Variants in RIN1 observed in about 807,000 individuals in gnomAD.
RIN1 encodes the protein Ras and Rab interactor 1, also known as ras inhibitor 1.
A neutral mutation model predicts 64.9 loss-of-function variants in RIN1; 52 were observed. The observed-to-expected ratio is 0.80, with a 90% CI of 0.64 to 1.01. The LOEUF (loss-of-function observed/expected upper bound fraction) is 1.01. Ranked by LOEUF, RIN1 falls within the 50% of genes least tolerant of loss-of-function variation. The pLI, the probability that RIN1 is intolerant of heterozygous loss-of-function variation, is 0.00. For missense variants in RIN1, 1,040 were observed against 1,064.5 expected, an observed-to-expected ratio of 0.98 and a Z score of 0.32; for synonymous variants, 486 against 483.6, an observed-to-expected ratio of 1.00 and a Z score of -0.06.
rs1181363078 is a variant in RIN1, at chr11:66,330,244, G to C, written c.*2032C>G. On this transcript the variant is annotated 3_prime_UTR_variant, in exon 10 of 10. Transcript: ENST00000311320. The stretch of plus-strand genomic sequence containing the variant: ...ACTCCTGGTTATCAAACTCCAATCA[G>C]TGAACAACATTTATTGAACACCTAT... 1 of 152,264 alleles carries C rather than the reference G, an allele frequency of 6.6e-6. No individual in the cohort carries two copies. Among genetic ancestry groups the C allele is most frequent in the Non-Finnish European group, 1.5e-5 (1 of 68,078 alleles). The allele number at this position is 152,264 out of a possible 1,614,324, so 9.4% of individuals were successfully genotyped here. A position where few individuals can be genotyped will look rare whatever the true frequency, so the allele number is the denominator to read the frequency against.
Position 66,332,240 on chromosome 11 carries a change from T to A in RIN1, c.*36A>T, listed in dbSNP as rs374496349. The A allele has an allele frequency of 8.2e-6, 13 of 1,591,676 alleles. No homozygotes were observed. Among genetic ancestry groups the A allele is most frequent in the Non-Finnish European group, 1.1e-5 (13 of 1,161,862 alleles). The stretch of plus-strand genomic sequence containing the variant: ...AAAGGATTTCTCAGCAGGCTCAGGG[T>A]CTCCCGCCCCGAATGACCCTTCTGG... On this transcript the variant is annotated 3_prime_UTR_variant, in exon 10 of 10. Transcript: ENST00000311320.
chr11:66,332,860 G>T, intron 9 of RIN1, 108 bp from the exon 10 acceptor site: 2 of 879,690 alleles, frequency 2.3e-6, no homozygotes, highest in Non-Finnish European at 3.5e-6. Context: ...GGGTGGGTAG[G>T]TGGAGATCCA....
intron 6 of RIN1, 126 bp downstream of exon 6, chr11:66,334,388 C>T: frequency 7.3e-7 from 1 of 1,373,408 alleles, no homozygotes; most frequent in Non-Finnish European, 9.9e-7. Flanking sequence ...ATGGAACTCT[C>T]TCGAACAGTG....
upstream of RIN1, chr11:66,336,661 A>T: frequency 2.1e-6 from 1 of 476,096 alleles, no homozygotes; most frequent in Non-Finnish European, 3.8e-6. Flanking sequence ...CTGCAGCCTC[A>T]CCAGCTACTC....
In RIN1 at chr11:66,333,977, C is replaced by T. The variant is rs888871332; in HGVS notation, c.1533G>A (p.Gln511=). 2 of 1,560,670 alleles carry T rather than the reference C, an allele frequency of 1.3e-6. No homozygotes were observed. Among genetic ancestry groups the T allele is most frequent in the Non-Finnish European group, 1.7e-6 (2 of 1,153,036 alleles). Residue 511 remains glutamine (Q), a synonymous_variant, in exon 7 of 10, where the codon CAG becomes CAA. Transcript: ENST00000311320. The stretch of plus-strand genomic sequence containing the variant: ...TGCAGGCCTGCAGGAGCCGCTTGAC[C>T]TGGGCGCTGGGTGAGTAGGTGCGGA... ...QLLRTYSPSA[Q]VKRLLQACKL...
chr11:66,333,969 C>A lies in RIN1; in HGVS notation c.1541G>T (p.Arg514Leu). ...RTYSPSAQVKRLLQACKLLYM... is the reference protein window; with the variant it reads ...RTYSPSAQVKLLLQACKLLYM... ...GAGCAGCTTGCAGGCCTGCAGGAGCCGCTTGACCTGGGCGCTGGGTGAGTA... is the reference window on the plus strand; with the variant it reads ...GAGCAGCTTGCAGGCCTGCAGGAGCAGCTTGACCTGGGCGCTGGGTGAGTA... Residue 514 changes from arginine (R) to leucine (L), a missense_variant, in exon 7 of 10, where the codon CGG (arginine) becomes CTG (leucine). Physicochemically the swap from Arg to Leu is moderately radical, Grantham distance 102. Transcript: ENST00000311320. 2 of 1,558,896 alleles carry A rather than the reference C, an allele frequency of 1.3e-6. No homozygotes were observed. Among genetic ancestry groups the A allele is most frequent in the Non-Finnish European group, 8.7e-7 (1 of 1,152,222 alleles).
Position 66,335,962 on chromosome 11 carries a change from G to A in RIN1, c.267+16C>T, listed in dbSNP as rs750763606. The A allele has an allele frequency of 6.1e-6, 9 of 1,484,506 alleles. No individual in the cohort carries two copies. Among genetic ancestry groups the A allele is most frequent in the Non-Finnish European group, 8.1e-6 (9 of 1,117,102 alleles). 92.0% of individuals were successfully genotyped at this position (1,484,506 alleles called of 1,614,324 possible). A position where few individuals can be genotyped will look rare whatever the true frequency, so the allele number is the denominator to read the frequency against. ...CCCCTGGCTGGCCAGTCCCTGGAGT[G>A]TGGGGCAAGACTCACCCCCGGGGGC... On this transcript the variant is annotated intron_variant, in intron 2 of 9. Coordinates refer to ENST00000311320, the MANE Select transcript of RIN1 (RefSeq NM_004292.3).
In RIN1 at chr11:66,335,195, C is replaced by A. The variant is rs1249146965; in HGVS notation, c.604G>T (p.Val202Leu). ...GACCGGGCCTTCAGCTGGGGCAACA[C>A]TGGGCCTCCAGCCGGGCCCCGCTGA... is the stretch of plus-strand genomic sequence containing the variant. ...KAQRGPAGGP[V>L]LPQLKARSPQ... Residue 202 changes from valine (V) to leucine (L), a missense_variant, in exon 6 of 10, where the codon GTG becomes TTG. Val to Leu is a conservative substitution (Grantham distance 32). Coordinates refer to ENST00000311320, the MANE Select transcript of RIN1 (RefSeq NM_004292.3). 13 of 1,565,164 alleles carry A rather than the reference C, an allele frequency of 8.3e-6. No homozygotes were observed. The highest frequency in any genetic ancestry group is 1.1e-5 in the Non-Finnish European group (13 of 1,166,486).
At position 66,332,582 on chromosome 11, in the gene RIN1, G is replaced by T; in HGVS notation, c.2046C>A (p.His682Gln). 6.2e-7 allele frequency: 1 copy of T among 1,611,472 alleles called. No homozygotes were observed. The highest frequency in any genetic ancestry group is 8.5e-7 in the Non-Finnish European group (1 of 1,178,356). Residue 682 changes from histidine to glutamine, a missense_variant, in exon 10 of 10, where the codon CAC (histidine) becomes CAA (glutamine). His to Gln is a conservative substitution (Grantham distance 24). Transcript: ENST00000311320. ...GGGCCAGGGCCCCAGGGGGCAGGCG[G>T]TGGTAGCCCTGCTCCTTGTACAGGA... ...GLFLYKEQGY[H>Q]RLPPGALAHR...
Position 66,335,178 on chromosome 11 carries a change from CT to C in RIN1, c.620del (p.Lys207ArgfsTer27). The C allele has an allele frequency of 6.4e-7, 1 of 1,555,964 alleles. No homozygotes were observed. The highest frequency in any genetic ancestry group is 2.2e-5 in the East Asian group (1 of 44,476). ...PAGGPVLPQLKARSPQELDQG... is the reference protein window; with the variant it reads ...PAGGPVLPQLXARSPQELDQG... ...GGTCCAGCTCTTGAGGGGACCGGGC[CT>C]TCAGCTGGGGCAACACTGGGCCTCC... On this transcript the variant is annotated frameshift_variant, in exon 6 of 10. Transcript: ENST00000311320. LOFTEE classifies it high-confidence loss of function.
chr11:66,333,249 G>T lies in RIN1; in HGVS notation c.1875+9C>A. The T allele has an allele frequency of 6.2e-7, 1 of 1,609,444 alleles. No homozygotes were observed. The highest frequency in any genetic ancestry group is 8.5e-7 in the Non-Finnish European group (1 of 1,179,940). ...TCTGGCTCTGAGGACACGGTGGAGG[G>T]CCTGTTACCTGGAAGCAGTGGGTGG... is the stretch of plus-strand genomic sequence containing the variant. On this transcript the variant is annotated intron_variant, in intron 9 of 9. Coordinates refer to ENST00000311320, the MANE Select transcript of RIN1 (RefSeq NM_004292.3).
Position 66,336,093 on chromosome 11 carries a change from C to T in RIN1, c.152G>A (p.Arg51Gln), listed in dbSNP as rs754196784. 1.4e-5 allele frequency: 21 copies of T among 1,448,422 alleles called. No homozygotes were observed. The highest frequency in any genetic ancestry group is 7.1e-5 in the South Asian group (5 of 70,138). The allele number at this position is 1,448,422 out of a possible 1,614,324, so 89.7% of individuals were successfully genotyped here. ...ASGGQAGGPQ[R>Q]PGRVVSLRER... is the part of the protein sequence containing the mutation. ...CCGCAGGCTCACAACGCGCCCCGGCCGCTGCGGCCCGCCTGCCTGCCCGCC... is the reference window on the plus strand; with the variant it reads ...CCGCAGGCTCACAACGCGCCCCGGCTGCTGCGGCCCGCCTGCCTGCCCGCC... Residue 51 changes from arginine (R) to glutamine (Q), a missense_variant, in exon 2 of 10, where the codon CGG becomes CAG. Arg to Gln is a conservative substitution (Grantham distance 43). Coordinates refer to ENST00000311320, the MANE Select transcript of RIN1 (RefSeq NM_004292.3).
chr11:66,336,352 C>A lies in RIN1; in HGVS notation c.51G>T (p.Pro17=). 6.2e-7 allele frequency: 1 copy of A among 1,613,722 alleles called. No individual in the cohort carries two copies. Among genetic ancestry groups the A allele is most frequent in the South Asian group, 1.1e-5 (1 of 90,996 alleles). ...SGAGSPGAPS[P]SSFTTGHLAR... ...CCAGGTGCCCAGTAGTGAAGCTGGA[C>A]GGGCTGGGGGCTCCAGGAGAGCCCG... Residue 17 remains proline (P), a synonymous_variant, in exon 1 of 10, where the codon CCG becomes CCT. Transcript: ENST00000311320.
At position 66,333,972 on chromosome 11, in the gene RIN1, T is replaced by C. The variant is rs775776158; in HGVS notation, c.1538A>G (p.Lys513Arg). 7.1e-6 allele frequency: 11 copies of C among 1,560,260 alleles called. No individual in the cohort carries two copies. The South Asian group carries it at 1.2e-4, about 17-fold the overall frequency. The change falls in exon 7 of 10, where the codon AAG becomes AGG. Residue 513 changes from lysine to arginine, a missense_variant. Lys to Arg is a conservative substitution (Grantham distance 26). Transcript: ENST00000311320. Reference sequence around the variant, plus strand: ...CAGCTTGCAGGCCTGCAGGAGCCGCTTGACCTGGGCGCTGGGTGAGTAGGT... The same window carrying C: ...CAGCTTGCAGGCCTGCAGGAGCCGCCTGACCTGGGCGCTGGGTGAGTAGGT... ...LRTYSPSAQV[K>R]RLLQACKLLY...
At position 66,336,044 on chromosome 11, in the gene RIN1, G is replaced by C. The variant is rs772233272; in HGVS notation, c.201C>G (p.Pro67=). 4 of 1,466,918 alleles carry C rather than the reference G, an allele frequency of 2.7e-6. No individual in the cohort carries two copies. In the East Asian group the frequency reaches 7.4e-5, roughly 27 times the overall value. 90.9% of individuals were successfully genotyped at this position (1,466,918 alleles called of 1,614,324 possible). A position where few individuals can be genotyped will look rare whatever the true frequency, so the allele number is the denominator to read the frequency against. Residue 67 remains proline, a synonymous_variant, in exon 2 of 10, where the codon CCC becomes CCG. Coordinates refer to ENST00000311320, the MANE Select transcript of RIN1 (RefSeq NM_004292.3). ...CGTTGGCTTGCAGCTGCAGCCACAC[G>C]GGCCGGGTGAGCAGCAGGCGCTCCC... is the stretch of plus-strand genomic sequence containing the variant. ...SLRERLLLTR[P]VWLQLQANAA...
chr11:66,333,387 G>C lies in RIN1; in HGVS notation c.1746C>G (p.Leu582=), dbSNP rs771487695. ...CACTCAGCAGGGCCAGGCTGGCAGA[G>C]AGGCTGGTCAGGTAGTAGCCACCTG... ...TGEGGYYLTS[L]SASLALLSGL... is the part of the protein sequence containing the mutation. Residue 582 remains leucine, a synonymous_variant, in exon 9 of 10, where the codon CTC becomes CTG. Transcript: ENST00000311320. 1.2e-5 allele frequency: 19 copies of C among 1,610,556 alleles called. No homozygotes were observed. Among genetic ancestry groups the C allele is most frequent in the Non-Finnish European group, 1.5e-5 (18 of 1,178,092 alleles).
In RIN1 at chr11:66,335,270, A is replaced by C. The variant is rs376675731; in HGVS notation, c.548-19T>G. 1.3e-6 allele frequency: 2 copies of C among 1,566,796 alleles called. No individual in the cohort carries two copies. Among genetic ancestry groups the C allele is most frequent in the Non-Finnish European group, 1.7e-6 (2 of 1,165,092 alleles). On this transcript the variant is annotated intron_variant, in intron 5 of 9. Coordinates refer to ENST00000311320, the MANE Select transcript of RIN1 (RefSeq NM_004292.3). The stretch of plus-strand genomic sequence containing the variant: ...CAGAACTCTAGGGAACAAGAAACCG[A>C]CTGGGGCCTCCGGGACTGGTTAGGG...
rs765831364 is a variant in RIN1 at position 66,335,260 on chromosome 11, C to T, written c.548-9G>A. On this transcript the variant is annotated splice_polypyrimidine_tract_variant and intron_variant, in intron 5 of 9. Coordinates refer to ENST00000311320, the MANE Select transcript of RIN1 (RefSeq NM_004292.3). ...GGAGGAGCTCCAGAACTCTAGGGAA[C>T]AAGAAACCGACTGGGGCCTCCGGGA... The T allele has an allele frequency of 2.5e-6, 4 of 1,570,882 alleles. No individual in the cohort carries two copies. In the South Asian group the frequency reaches 4.7e-5, roughly 18 times the overall value.
chr11:66,334,282 A>C, intron 6 of RIN1, 58 bp from the exon 7 acceptor site: 2 of 1,268,130 alleles, frequency 1.6e-6, no homozygotes, highest in East Asian at 2.6e-5. Context: ...GGCAGAGGCA[A>C]GGGGAGAAGG....
Sources: allele counts gnomAD v4.1 joint callset, GRCh38; gene constraint gnomAD v4.1.1; transcripts MANE v1.5; gene names NCBI Gene and HGNC (gene_info 2026-07-23, HGNC 2026-07-21).